The following BICD1 variants were observed in gnomAD, a reference collection of about 807,000 sequenced individuals.
BICD1 encodes the protein protein bicaudal D homolog 1.
BICD1 carries 35 observed loss-of-function variants against 92.5 expected under a neutral mutation model. The observed-to-expected ratio is 0.38, with a 90% CI of 0.29 to 0.50. The LOEUF is 0.50. Among genes scored for constraint, BICD1 ranks in the 20% least tolerant of loss-of-function variants. The pLI is 0.93. For synonymous variants in BICD1, 429 were observed against 465.1 expected, an observed-to-expected ratio of 0.92 and a Z score of 1.00; for missense variants, 950 against 1,189.8, an observed-to-expected ratio of 0.80 and a Z score of 2.97.
chr12:32,280,051 T>G (rs2136166610), intron 2 of BICD1, among the ~76,000 whole-genome samples: 1 of 152,250 alleles, frequency 6.6e-6, no homozygotes. Context: ...TGAGCCAAGA[T>G]CATGCCATTG....
chr12:32,128,688 C>T (rs995839338), intron 1 of BICD1, among the ~76,000 whole-genome samples: 23 of 152,006 alleles, frequency 1.5e-4, no homozygotes, highest in African/African-American at 5.6e-4. Context: ...ATTTTCAAGC[C>T]AAAATACTTG....
At chr12:32,117,705 T>TACACACACACACACACACACACACAC (rs1187433090) in intron 1 of BICD1, among the ~76,000 whole-genome samples, 6 of 86,028 alleles carry the variant, frequency 7.0e-5, no homozygotes, top group South Asian at 4.5e-4. Context: ...TATACACAAA[T>TACACACACACACACACACACACACAC]ATATATACAC....
At chr12:32,290,610 T>C (rs548415407) in intron 2 of BICD1, among the ~76,000 whole-genome samples, 1 of 152,300 alleles carries the variant, frequency 6.6e-6, no homozygotes, top group South Asian at 2.1e-4. Context: ...GGAATTCTGC[T>C]AAGTCATCTC....
chr12:32,250,178 A>G (rs868345329), intron 2 of BICD1, among the ~76,000 whole-genome samples: 3 of 152,166 alleles, frequency 2.0e-5, no homozygotes, highest in South Asian at 2.1e-4. Context: ...TATTCAGTAC[A>G]GGATTAAGTG....
chr12:32,137,423 CT>C (rs1422102398), intron 1 of BICD1, among the ~76,000 whole-genome samples: 1 of 152,086 alleles, frequency 6.6e-6, no homozygotes, highest in East Asian at 1.9e-4. Context: ...AATTATTTTG[CT>C]TTTGTGACCC....
At chr12:32,350,084 TG>T in intron 8 of BICD1, among the ~76,000 whole-genome samples, 1 of 152,210 alleles carries the variant, frequency 6.6e-6, no homozygotes, top group East Asian at 1.9e-4. Context: ...CTAAGGGAGT[TG>T]GGCAGGGGCA....
chr12:32,296,451 G>C (rs976994918), intron 3 of BICD1, among the ~76,000 whole-genome samples: 1 of 151,498 alleles, frequency 6.6e-6, no homozygotes, highest in Non-Finnish European at 1.5e-5. Flanking sequence ...TAGAGATGGG[G>C]TTTCAACGTG....
At chr12:32,231,679 G>A (rs1349370077) in intron 2 of BICD1, among the ~76,000 whole-genome samples, 1 of 151,536 alleles carries the variant, frequency 6.6e-6, no homozygotes, top group South Asian at 2.1e-4. Flanking sequence ...ATGCTGGTGC[G>A]CTGCACCCAC....
intron 1 of BICD1, among the ~76,000 whole-genome samples, chr12:32,172,458 G>C (rs1348754301): frequency 3.3e-5 from 5 of 152,200 alleles, no homozygotes; most frequent in African/African-American, 9.7e-5. Context: ...CAGAGAAAAG[G>C]TAGTAAGAGA....
chr12:32,252,228 A>G (rs939903874), intron 2 of BICD1, among the ~76,000 whole-genome samples: 1 of 138,486 alleles, frequency 7.2e-6, no homozygotes, highest in African/African-American at 2.7e-5. Flanking sequence ...TGTATATATT[A>G]TATATATAAC....
intron 4 of BICD1, among the ~76,000 whole-genome samples, 185 bp downstream of exon 4, chr12:32,306,307 A>G (rs1480055077): frequency 2.6e-5 from 4 of 152,008 alleles, no homozygotes; most frequent in South Asian, 4.2e-4. Flanking sequence ...ACAGTGGTGC[A>G]ATTTCGGCTC....
chr12:32,339,270 T>A, intron 8 of BICD1: 10 of 1,088,414 alleles, frequency 9.2e-6, no homozygotes, highest in Non-Finnish European at 1.1e-5. Context: ...CACACTTGGA[T>A]CCTATTTGCA....
chr12:32,113,624 A>G (rs749246347), intron 1 of BICD1, among the ~76,000 whole-genome samples: 3 of 151,246 alleles, frequency 2.0e-5, no homozygotes, highest in Non-Finnish European at 2.9e-5. Flanking sequence ...GCCCACTGCA[A>G]CCTTTGCCTC....
intron 4 of BICD1, among the ~76,000 whole-genome samples, chr12:32,324,596 G>A (rs1223622905): frequency 6.6e-6 from 1 of 151,742 alleles, no homozygotes; most frequent in East Asian, 2.0e-4. Context: ...TTGAGATGAA[G>A]ATGGAGTCTC....
intron 1 of BICD1, among the ~76,000 whole-genome samples, chr12:32,180,954 T>G (rs534983885): frequency 1.9e-4 from 29 of 151,872 alleles, no homozygotes; most frequent in Non-Finnish European, 3.5e-4. Flanking sequence ...TTTTTTAATT[T>G]TATTGTATCT....
At chr12:32,165,536 T>C (rs1164457187) in intron 1 of BICD1, among the ~76,000 whole-genome samples, 4 of 150,584 alleles carry the variant, frequency 2.7e-5, no homozygotes, top group South Asian at 4.2e-4. Flanking sequence ...AAAACAAAAA[T>C]TAGCTGGGCG....
intron 3 of BICD1, among the ~76,000 whole-genome samples, chr12:32,304,230 A>G (rs1948148610): frequency 6.6e-6 from 1 of 152,224 alleles, no homozygotes; most frequent in African/African-American, 2.4e-5. Flanking sequence ...TGGGGGAGAA[A>G]GAGAAATATA....
chr12:32,165,588 G>T (rs889912075), intron 1 of BICD1, among the ~76,000 whole-genome samples: 4 of 151,850 alleles, frequency 2.6e-5, no homozygotes, highest in Non-Finnish European at 5.9e-5. Context: ...GGGAGGCTGA[G>T]GCAAGATAAT....
intron 3 of BICD1, among the ~76,000 whole-genome samples, chr12:32,296,447 T>C (rs1262970368): frequency 4.0e-5 from 6 of 151,392 alleles, no homozygotes; most frequent in South Asian, 2.1e-4. Context: ...TTAGTAGAGA[T>C]GGGGTTTCAA....
Sources: gnomAD v4.1 joint callset for allele counts (sites outside exome capture counted in the v4.1 genomes callset) on GRCh38, gnomAD v4.1.1 for gene constraint, MANE v1.5 for transcripts, NCBI Gene and HGNC (gene_info 2026-07-23, HGNC 2026-07-21) for gene names.